The following SYBU variants were observed in gnomAD, a reference collection of about 807,000 sequenced individuals.
SYBU encodes the protein GOLSYN A protein.
Under a neutral mutation model 35.9 loss-of-function variants are expected in SYBU, and 21 were observed. That is an observed-to-expected ratio of 0.58 (90% CI 0.41 to 0.84). The LOEUF (loss-of-function observed/expected upper bound fraction) is 0.84. Among genes scored for constraint, SYBU ranks in the 40% least tolerant of loss-of-function variants. SYBU has a pLI of 0.00. For synonymous variants in SYBU, 319 were observed against 324.3 expected, an observed-to-expected ratio of 0.98 and a Z score of 0.18; for missense variants, 768 against 848.2, an observed-to-expected ratio of 0.91 and a Z score of 1.17.
intron 1 of SYBU, among the ~76,000 whole-genome samples, chr8:109,687,306 A>G (rs532320222): frequency 1.7e-4 from 26 of 152,296 alleles, no homozygotes; most frequent in African/African-American, 4.8e-4. Flanking sequence ...ACTAAAAAGG[A>G]AAAAATAAAA....
rs1816880638 is a variant in SYBU at position 109,669,267 on chromosome 8, A to G, written c.-129+11444T>C. 2.1e-5 allele frequency among the ~76,000 whole-genome samples: 3 copies of G among 144,918 alleles called. No individual in the cohort carries two copies. In the South Asian group the frequency reaches 7.1e-4, roughly 34 times the overall value. ...TGAGGCAGGAGAATGGCGTGAGCCC[A>G]GGAGGCGGAGCTTGCAGTGAGCCGA... On this transcript the variant is annotated intron_variant, in intron 1 of 5. Coordinates refer to the SYBU transcript ENST00000408889.
upstream of SYBU, chr8:109,645,065 A>C (rs1586937283): frequency 2.0e-6 from 1 of 493,966 alleles, no homozygotes; most frequent in Non-Finnish European, 3.9e-6. Flanking sequence ...GGCTAGCGGC[A>C]TCTCCAGCCC....
chr8:109,596,881 A>G (rs1398519813), intron 3 of SYBU, among the ~76,000 whole-genome samples: 2 of 152,210 alleles, frequency 1.3e-5, no homozygotes, highest in Non-Finnish European at 2.9e-5. Flanking sequence ...TGTATTCCAT[A>G]GGCAAAAAGA....
chr8:109,575,244 T>C lies in SYBU; in HGVS notation c.1654A>G (p.Ile552Val), dbSNP rs1312521847. ...DLTPRNPNSA[I>V]LLSPVETPYA... ...GGGGTCTCCACGGGAGACAAAAGGA[T>C]GGCTGAGTTTGGATTTCTTGGAGTT... is the stretch of plus-strand genomic sequence containing the variant. The change falls in exon 7 of 7, where the codon ATC becomes GTC. Residue 552 changes from isoleucine (I) to valine (V), a missense_variant. Physicochemically the swap from Ile to Val is conservative, Grantham distance 29. Transcript: ENST00000276646. 2 of 1,614,168 alleles carry C rather than the reference T, an allele frequency of 1.2e-6. No homozygotes were observed. Among genetic ancestry groups the C allele is most frequent in the Non-Finnish European group, 1.7e-6 (2 of 1,180,028 alleles).
chr8:109,613,533 TC>T (rs989710567), intron 3 of SYBU, among the ~76,000 whole-genome samples: 4 of 151,344 alleles, frequency 2.6e-5, no homozygotes, highest in Middle Eastern at 3.4e-3. Flanking sequence ...AAAGTTCTCC[TC>T]CCCCCCACCC....
chr8:109,604,202 T>C (rs912089170), intron 3 of SYBU, among the ~76,000 whole-genome samples: 5 of 149,294 alleles, frequency 3.3e-5, no homozygotes, highest in East Asian at 1.9e-4. Flanking sequence ...ACCATAACAA[T>C]AGAATTTAAA....
chr8:109,633,908 A>AT (rs200863661), intron 2 of SYBU, among the ~76,000 whole-genome samples: 13,369 of 151,884 alleles, frequency 0.088, 806 homozygotes, highest in Non-Finnish European at 0.13. Flanking sequence ...TAATTTTTGC[A>AT]TTTTTTGTAG....
At chr8:109,653,783 C>G (rs1816248134) in intron 1 of SYBU, among the ~76,000 whole-genome samples, 1 of 152,166 alleles carries the variant, frequency 6.6e-6, no homozygotes, top group Admixed American at 6.5e-5. Context: ...AGAACTCTCT[C>G]AATCTCCTGC....
At chr8:109,613,324 G>C (rs796873227) in intron 3 of SYBU, among the ~76,000 whole-genome samples, 1 of 152,176 alleles carries the variant, frequency 6.6e-6, no homozygotes, top group African/African-American at 2.4e-5. Flanking sequence ...CATTTAGTGA[G>C]GAATTACTTT....
chr8:109,661,777 A>G (rs1266609233), intron 1 of SYBU, among the ~76,000 whole-genome samples: 1 of 152,228 alleles, frequency 6.6e-6, no homozygotes, highest in Non-Finnish European at 1.5e-5. Flanking sequence ...ATGTGTGATC[A>G]AAGAAGTTGG....
At chr8:109,585,973 G>C in intron 4 of SYBU, 87 bp downstream of exon 4, 1 of 822,480 alleles carries the variant, frequency 1.2e-6, no homozygotes, top group Non-Finnish European at 2.0e-6. Flanking sequence ...TGAACGGACA[G>C]TAATCCGGGT....
intron 1 of SYBU, among the ~76,000 whole-genome samples, chr8:109,665,880 T>G (rs1189942219): frequency 2.0e-5 from 3 of 152,216 alleles, no homozygotes; most frequent in Non-Finnish European, 4.4e-5. Flanking sequence ...ACCAAATGCT[T>G]CTATTTAAAA....
At chr8:109,634,873 G>T (rs909687174) in intron 2 of SYBU, among the ~76,000 whole-genome samples, 2 of 151,732 alleles carry the variant, frequency 1.3e-5, no homozygotes, top group African/African-American at 4.8e-5. Flanking sequence ...TATCTTTTTT[G>T]GTCTACCTCA....
chr8:109,631,484 G>A (rs966465690), intron 2 of SYBU, among the ~76,000 whole-genome samples: 4 of 152,214 alleles, frequency 2.6e-5, no homozygotes, highest in Non-Finnish European at 5.9e-5. Flanking sequence ...GGCAGTAAAG[G>A]AGGATGCAGG....
intron 2 of SYBU, among the ~76,000 whole-genome samples, chr8:109,638,210 G>A (rs1221875344): frequency 1.3e-5 from 2 of 152,208 alleles, no homozygotes; most frequent in African/African-American, 4.8e-5. Context: ...TTCTAAGGGG[G>A]TAATTATTGC....
intron 1 of SYBU, among the ~76,000 whole-genome samples, chr8:109,665,414 G>T (rs1027153570): frequency 2.0e-5 from 3 of 152,306 alleles, no homozygotes; most frequent in Non-Finnish European, 4.4e-5. Flanking sequence ...AAGCAGAGTT[G>T]ATTTGGGTAG....
In SYBU at chr8:109,584,933, G is replaced by A. The variant is rs546619162; in HGVS notation, c.530+1127C>T. ...AAAGTCAGAAGCCAGGTCCCCTCACGTTCTGTGGCTCCCTCCATAGCTTTC... is the reference window on the plus strand; with the variant it reads ...AAAGTCAGAAGCCAGGTCCCCTCACATTCTGTGGCTCCCTCCATAGCTTTC... On this transcript the variant is annotated intron_variant, in intron 4 of 6. Coordinates refer to ENST00000276646, the MANE Select transcript of SYBU (RefSeq NM_001099754.2). The surrounding 1 kb of genome is among the most constrained non-coding windows in gnomAD (Gnocchi z 4.0). Among the ~76,000 whole-genome samples, 1 of 152,218 alleles carries A rather than the reference G, an allele frequency of 6.6e-6. No homozygotes were observed. The highest frequency in any genetic ancestry group is 2.4e-5 in the African/African-American group (1 of 41,540).
chr8:109,602,868 G>A (rs1825689564), intron 3 of SYBU, among the ~76,000 whole-genome samples: 1 of 152,220 alleles, frequency 6.6e-6, no homozygotes, highest in Admixed American at 6.5e-5. Flanking sequence ...CGTTGGGGTT[G>A]TTTTTAACCC....
intron 1 of SYBU, among the ~76,000 whole-genome samples, chr8:109,654,052 T>A (rs974973213): frequency 6.6e-6 from 1 of 152,202 alleles, no homozygotes; most frequent in African/African-American, 2.4e-5. Context: ...GTTAGCTATT[T>A]TTTTTTATAA....
Sources: allele counts gnomAD v4.1 joint callset (sites outside exome capture counted in the v4.1 genomes callset), GRCh38; gene constraint gnomAD v4.1.1; non-coding constraint Gnocchi (gnomAD v3.1); transcripts MANE v1.5; gene names NCBI Gene and HGNC (gene_info 2026-07-23, HGNC 2026-07-21).